Variants in REDIC1 observed in about 807,000 individuals in gnomAD.
The protein encoded by REDIC1 is HEI10 Interacting Protein 1.
chr12:39,814,522 T>A, the REDIC1 span, among the ~76,000 whole-genome samples: 2 of 152,088 alleles, frequency 1.3e-5, no homozygotes, highest in East Asian at 3.9e-4. Context: ...TTAACAAAAA[T>A]TAATAGATAA....
chr12:39,812,617 C>T, the REDIC1 span, among the ~76,000 whole-genome samples: 8 of 151,174 alleles, frequency 5.3e-5, no homozygotes, highest in African/African-American at 9.7e-5. Context: ...GGACTACAGG[C>T]GCCCACGGCT....
the REDIC1 span, among the ~76,000 whole-genome samples, chr12:39,658,056 T>A: frequency 1.3e-5 from 2 of 150,304 alleles, no homozygotes; most frequent in African/African-American, 4.9e-5. Context: ...TTTTGAAATA[T>A]TATGTTTTCA....
the REDIC1 span, among the ~76,000 whole-genome samples, chr12:39,727,976 A>T: frequency 1.1e-4 from 16 of 152,162 alleles, no homozygotes; most frequent in African/African-American, 3.1e-4. Context: ...GTGTACAGGA[A>T]TGCTTGTAAT....
chr12:39,727,861 T>A, the REDIC1 span, among the ~76,000 whole-genome samples: 1 of 152,210 alleles, frequency 6.6e-6, no homozygotes, highest in East Asian at 1.9e-4. Context: ...CTTGAAGAGA[T>A]CCTTCACATC....
chr12:39,732,217 G>A, the REDIC1 span, among the ~76,000 whole-genome samples: 12 of 152,082 alleles, frequency 7.9e-5, no homozygotes, highest in Non-Finnish European at 2.9e-5. Context: ...TCTTCTGACA[G>A]TTTTTTTGAA....
At chr12:39,748,938 A>G in the REDIC1 span, among the ~76,000 whole-genome samples, 3 of 152,174 alleles carry the variant, frequency 2.0e-5, no homozygotes, top group Non-Finnish European at 4.4e-5. Flanking sequence ...AGGGAAATTT[A>G]TAGCACTAAA....
the REDIC1 span, among the ~76,000 whole-genome samples, chr12:39,752,167 A>G: frequency 2.0e-5 from 3 of 152,214 alleles, no homozygotes; most frequent in Non-Finnish European, 4.4e-5. Context: ...TGGAATCCTC[A>G]GTGCCCACGC....
chr12:39,898,335 C>T, the REDIC1 span, among the ~76,000 whole-genome samples: 1 of 152,078 alleles, frequency 6.6e-6, no homozygotes, highest in African/African-American at 2.4e-5. Context: ...TAGGGTGAAG[C>T]ATGGATGGTG....
At chr12:39,664,939 T>G in the REDIC1 span, among the ~76,000 whole-genome samples, 1 of 152,176 alleles carries the variant, frequency 6.6e-6, no homozygotes, top group African/African-American at 2.4e-5. Flanking sequence ...TTCTTGTAAA[T>G]TTTTTGGAGT....
the REDIC1 span, among the ~76,000 whole-genome samples, chr12:39,704,383 C>T: frequency 1.2e-4 from 18 of 152,190 alleles, no homozygotes; most frequent in South Asian, 6.2e-4. Context: ...TACCATCTCA[C>T]GCCAGTTAGA....
At chr12:39,640,954 G>A in the REDIC1 span, 2 of 1,609,008 alleles carry the variant, frequency 1.2e-6, no homozygotes, top group African/African-American at 2.7e-5. Flanking sequence ...GCTTTTTTCA[G>A]GTCCAGGGTT....
chr12:39,647,968 GA>G, the REDIC1 span: 1 of 1,543,934 alleles, frequency 6.5e-7, no homozygotes, highest in East Asian at 2.4e-5. Flanking sequence ...AAAAAAAGCA[GA>G]ATGACCAGGT....
chr12:39,877,824 A>T, the REDIC1 span, among the ~76,000 whole-genome samples: 1 of 152,234 alleles, frequency 6.6e-6, no homozygotes. Context: ...TCCATCTGAT[A>T]TAATTTGGAT....
At chr12:39,626,574 G>GCTTCA in the REDIC1 span, among the ~76,000 whole-genome samples, 1 of 152,080 alleles carries the variant, frequency 6.6e-6, no homozygotes, top group Admixed American at 6.5e-5. Flanking sequence ...CTTTACAAAG[G>GCTTCA]CTTCACCTGT....
chr12:39,853,694 C>A, the REDIC1 span, among the ~76,000 whole-genome samples: 1 of 151,330 alleles, frequency 6.6e-6, no homozygotes, highest in Admixed American at 6.6e-5. Context: ...AAGCTATCTT[C>A]CACTTTGCCA....
the REDIC1 span, among the ~76,000 whole-genome samples, chr12:39,728,720 G>T: frequency 2.0e-5 from 3 of 150,768 alleles, no homozygotes; most frequent in African/African-American, 7.3e-5. Flanking sequence ...CAGAAGGAAT[G>T]GTACCAGCTC....
chr12:39,765,128 A>G, the REDIC1 span, among the ~76,000 whole-genome samples: 1 of 152,088 alleles, frequency 6.6e-6, no homozygotes, highest in African/African-American at 2.4e-5. Flanking sequence ...TAGTCCCTGG[A>G]AGCTGCAGTA....
At chr12:39,798,888 T>A in the REDIC1 span, among the ~76,000 whole-genome samples, 1 of 151,764 alleles carries the variant, frequency 6.6e-6, no homozygotes, top group East Asian at 1.9e-4. Context: ...ATAAAAATAA[T>A]TTTATGAAAT....
chr12:39,856,017 G>A, the REDIC1 span, among the ~76,000 whole-genome samples: 1 of 152,112 alleles, frequency 6.6e-6, no homozygotes, highest in African/African-American at 2.4e-5. Context: ...GCCCATAGAA[G>A]GTATTGCTAA....
Sources: allele counts gnomAD v4.1 joint callset (sites outside exome capture counted in the v4.1 genomes callset), GRCh38; gene constraint gnomAD v4.1.1; transcripts MANE v1.5; gene names NCBI Gene and HGNC (gene_info 2026-07-23, HGNC 2026-07-21).